The following TRIM44 variants were observed in gnomAD, a reference collection of about 807,000 sequenced individuals.
TRIM44 encodes the protein tripartite motif containing 44, also known as tripartite motif-containing protein 44.
In TRIM44, 13 loss-of-function variants were observed where a neutral mutation model predicts 37.4. The ratio of observed to expected loss-of-function variants is 0.35; its 90% CI spans 0.23 to 0.55. The LOEUF is 0.55. Among genes scored for constraint, TRIM44 ranks in the 20% least tolerant of loss-of-function variants. The pLI is 0.89. For synonymous variants in TRIM44, 175 were observed against 157.2 expected (o/e 1.11, Z -0.85); for missense variants, 426 against 437.2 (o/e 0.97, Z 0.23).
intron 4 of TRIM44, among the ~76,000 whole-genome samples, chr11:35,782,330 C>G (rs1055308413): frequency 1.6e-4 from 25 of 152,178 alleles, no homozygotes; most frequent in African/African-American, 5.5e-4. Flanking sequence ...GAGGAAAGAT[C>G]CTATACTTAT....
At chr11:35,674,163 G>T (rs1851433559) in intron 1 of TRIM44, among the ~76,000 whole-genome samples, 1 of 152,012 alleles carries the variant, frequency 6.6e-6, no homozygotes, top group Non-Finnish European at 1.5e-5. Context: ...TGAGAATGGG[G>T]TAAGAAATGC....
At chr11:35,685,369 T>A in intron 2 of TRIM44, 33 bp downstream of exon 2, 1 of 1,567,210 alleles carries the variant, frequency 6.4e-7, no homozygotes, top group Non-Finnish European at 8.8e-7. Context: ...TGGGTGTTGG[T>A]ACCCCAAGCA....
chr11:35,800,741 G>A lies in TRIM44; in HGVS notation c.1008-5617G>A, dbSNP rs544391365. On this transcript the variant is annotated intron_variant, in intron 4 of 4. Transcript: ENST00000299413. ...GATGGGATAGAGAGGGGCACAGGAA[G>A]CAAAGAGAGACAGCTGTATGAATGA... Among the ~76,000 whole-genome samples the A allele has an allele frequency of 2.0e-5, 3 of 152,308 alleles. No individual in the cohort carries two copies. In the South Asian group the frequency reaches 6.2e-4, roughly 32 times the overall value.
At chr11:35,763,635 C>G (rs1205019816) in intron 4 of TRIM44, among the ~76,000 whole-genome samples, 1 of 152,192 alleles carries the variant, frequency 6.6e-6, no homozygotes, top group Non-Finnish European at 1.5e-5. Context: ...GGTCTTTGTT[C>G]TGGAAGACCA....
chr11:35,702,283 C>A (rs1376954655), intron 2 of TRIM44, among the ~76,000 whole-genome samples: 1 of 152,208 alleles, frequency 6.6e-6, no homozygotes, highest in Non-Finnish European at 1.5e-5. Context: ...TTCAGAATCA[C>A]TCGCCCACGC....
At chr11:35,694,309 A>G (rs1851671448) in intron 2 of TRIM44, among the ~76,000 whole-genome samples, 1 of 152,168 alleles carries the variant, frequency 6.6e-6, no homozygotes, top group Non-Finnish European at 1.5e-5. Context: ...ATGCCCTTCT[A>G]GAAGAGTGAA....
At chr11:35,751,432 G>A (rs1399923917) in intron 4 of TRIM44, among the ~76,000 whole-genome samples, 2 of 152,122 alleles carry the variant, frequency 1.3e-5, no homozygotes, top group Non-Finnish European at 2.9e-5. Flanking sequence ...GATGCCAGAT[G>A]GATTATACAC....
chr11:35,767,704 C>CA (rs1852816448), intron 4 of TRIM44, among the ~76,000 whole-genome samples: 1 of 152,130 alleles, frequency 6.6e-6, no homozygotes, highest in South Asian at 2.1e-4. Context: ...GTTATACAGA[C>CA]ACGAATTCAA....
At position 35,816,093 on chromosome 11, in the gene TRIM44, T is replaced by C. The variant is rs1853578080; in HGVS notation, c.*9708T>C. 6.6e-6 allele frequency: 1 copy of C among 152,160 alleles called. No homozygotes were observed. The highest frequency in any genetic ancestry group is 6.6e-5 in the Admixed American group (1 of 15,262). The allele number at this position is 152,160 out of a possible 1,614,324, so 9.4% of individuals were successfully genotyped here. ...CAAAGTTCAGGCTCCCCCTCCCTTT[T>C]ATCACTCCACCCTGCCTCTACTCCT... On this transcript the variant is annotated 3_prime_UTR_variant, in exon 5 of 5. Transcript: ENST00000299413.
At chr11:35,681,899 A>G (rs938893809) in intron 1 of TRIM44, among the ~76,000 whole-genome samples, 1 of 151,138 alleles carries the variant, frequency 6.6e-6, no homozygotes, top group Non-Finnish European at 1.5e-5. Flanking sequence ...TCAGACTCAG[A>G]TACCACCACC....
chr11:35,799,125 C>T (rs973898921), intron 4 of TRIM44, among the ~76,000 whole-genome samples: 8 of 152,260 alleles, frequency 5.3e-5, no homozygotes, highest in African/African-American at 1.4e-4. Flanking sequence ...ACAAGCCTGC[C>T]TGTTACTTCC....
In TRIM44 at chr11:35,772,227, C is replaced by G. The variant is rs188496075; in HGVS notation, c.1008-34131C>G. 1.8e-3 allele frequency among the ~76,000 whole-genome samples: 280 copies of G among 152,294 alleles called. 2 individuals are homozygous for G. The highest frequency in any genetic ancestry group is 6.5e-3 in the African/African-American group (269 of 41,556). ...GAAGATGTATTGAAATGCCTGGATGCCCAGGCATAAGTTTGCTGCAGGGGC... is the reference window on the plus strand; with the variant it reads ...GAAGATGTATTGAAATGCCTGGATGGCCAGGCATAAGTTTGCTGCAGGGGC... On this transcript the variant is annotated intron_variant, in intron 4 of 4. Transcript: ENST00000299413.
At chr11:35,684,689 T>C (rs1330398922) in intron 1 of TRIM44, among the ~76,000 whole-genome samples, 1 of 152,162 alleles carries the variant, frequency 6.6e-6, no homozygotes, top group Admixed American at 6.5e-5. Context: ...TTTATGGGTT[T>C]TTTTGGTGTT....
chr11:35,671,011 G>A (rs1047945025), intron 1 of TRIM44, among the ~76,000 whole-genome samples: 1 of 152,226 alleles, frequency 6.6e-6, no homozygotes, highest in Non-Finnish European at 1.5e-5. Context: ...TCTTGGAACA[G>A]TAAAAGTGGC....
At chr11:35,704,130 C>T (rs867352067) in intron 2 of TRIM44, among the ~76,000 whole-genome samples, 117 of 151,972 alleles carry the variant, frequency 7.7e-4, no homozygotes, top group Middle Eastern at 6.8e-3. Flanking sequence ...CCTCAGGAGC[C>T]GATGCGATCA....
At chr11:35,804,829 G>A (rs139938826) in intron 4 of TRIM44, among the ~76,000 whole-genome samples, 2 of 152,174 alleles carry the variant, frequency 1.3e-5, no homozygotes, top group Non-Finnish European at 2.9e-5. Context: ...TATTGAGTTG[G>A]TTCTTTTGGC....
At chr11:35,796,551 C>CCCTTGCA (rs1411096555) in intron 4 of TRIM44, among the ~76,000 whole-genome samples, 11 of 152,096 alleles carry the variant, frequency 7.2e-5, no homozygotes, top group African/African-American at 2.7e-4. Context: ...CCTGAAGGTA[C>CCCTTGCA]AGGAAGCAGG....
At chr11:35,663,895 T>C (rs1441984105) in intron 1 of TRIM44, 115 bp downstream of exon 1, 10 of 1,299,230 alleles carry the variant, frequency 7.7e-6, no homozygotes, top group Non-Finnish European at 3.1e-6. Flanking sequence ...AGCTAGTCTT[T>C]CCAACTTTTT....
chr11:35,799,411 C>G lies in TRIM44; in HGVS notation c.1008-6947C>G, dbSNP rs1565037171. Among the ~76,000 whole-genome samples, 4 of 152,218 alleles carry G rather than the reference C, an allele frequency of 2.6e-5. No individual in the cohort carries two copies. The South Asian group carries it at 6.2e-4, about 24-fold the overall frequency. On this transcript the variant is annotated intron_variant, in intron 4 of 4. Coordinates refer to ENST00000299413, the MANE Select transcript of TRIM44 (RefSeq NM_017583.6). ...ACAGAGTCAGCTGTGAGGGCTGAGACAAACTCAGGTCTGTATTTCTTCTTC... is the reference window on the plus strand; with the variant it reads ...ACAGAGTCAGCTGTGAGGGCTGAGAGAAACTCAGGTCTGTATTTCTTCTTC...
Sources: allele counts gnomAD v4.1 joint callset (sites outside exome capture counted in the v4.1 genomes callset), GRCh38; gene constraint gnomAD v4.1.1; transcripts MANE v1.5; gene names NCBI Gene and HGNC (gene_info 2026-07-23, HGNC 2026-07-21).